GOLT1A: variants seen among roughly 807,000 people sequenced by gnomAD.
GOLT1A encodes the protein golgi transport 1A.
In GOLT1A, 10 loss-of-function variants were observed where a neutral mutation model predicts 16.1. That is an observed-to-expected ratio of 0.62 (90% CI 0.38 to 1.05). The LOEUF is 1.05. GOLT1A is among the 50% of genes least tolerant of loss of function. The pLI is 0.01. For missense variants in GOLT1A, 137 were observed against 165.7 expected, an observed-to-expected ratio of 0.83 and a Z score of 0.95; for synonymous variants, 60 against 67.9, an observed-to-expected ratio of 0.88 and a Z score of 0.57.
intron 1 of GOLT1A, among the ~76,000 whole-genome samples, chr1:204,208,476 G>GTGTGTATATATATATATA (rs1286299770): frequency 1.5e-4 from 6 of 39,948 alleles, no homozygotes; most frequent in African/African-American, 4.7e-4. Flanking sequence ...GTGTGTGTGT[G>GTGTGTATATATATATATA]TATATATATA....
intron 1 of GOLT1A, among the ~76,000 whole-genome samples, chr1:204,212,209 C>T (rs1231407439): frequency 6.6e-6 from 1 of 152,162 alleles, no homozygotes; most frequent in East Asian, 1.9e-4. Flanking sequence ...GCATTCTTGA[C>T]TCCTCTTTCT....
chr1:204,199,780 C>T (rs1389568188), intron 3 of GOLT1A, among the ~76,000 whole-genome samples: 1 of 152,206 alleles, frequency 6.6e-6, no homozygotes, highest in South Asian at 2.1e-4. Context: ...ACACAGCCAC[C>T]CCTGCCTTTG....
chr1:204,213,779 A>C, intron 1 of GOLT1A, 103 bp downstream of exon 1: 1 of 1,338,636 alleles, frequency 7.5e-7, no homozygotes, highest in Non-Finnish European at 1.0e-6. Flanking sequence ...CCCTGGCTCC[A>C]GAGGTCACGC....
chr1:204,201,827 G>T lies in GOLT1A; in HGVS notation c.118-16C>A. On this transcript the variant is annotated splice_polypyrimidine_tract_variant and intron_variant, in intron 2 of 4. Transcript: ENST00000308302. ...GGAACAGCAGCTGTAGGGGAGGGAG[G>T]GGAGCATGAAGCAAACCCACCAGCC... 1.2e-6 allele frequency: 2 copies of T among 1,612,378 alleles called. No individual in the cohort carries two copies. Among genetic ancestry groups the T allele is most frequent in the Non-Finnish European group, 1.7e-6 (2 of 1,179,058 alleles).
chr1:204,208,693 G>A (rs1308588005), intron 1 of GOLT1A, among the ~76,000 whole-genome samples: 2 of 151,536 alleles, frequency 1.3e-5, no homozygotes. Flanking sequence ...AATAGACTTT[G>A]GGGACTCATG....
At chr1:204,200,318 T>TATATATATATATATATATATA (rs1571671883) in intron 3 of GOLT1A, among the ~76,000 whole-genome samples, 1 of 118,384 alleles carries the variant, frequency 8.4e-6, no homozygotes, top group Non-Finnish European at 1.6e-5. Flanking sequence ...TATATATATA[T>TATATATATATATATATATATA]ATGTTTTTGT....
chr1:204,210,604 G>C (rs1659123764), intron 1 of GOLT1A, among the ~76,000 whole-genome samples: 1 of 152,012 alleles, frequency 6.6e-6, no homozygotes, highest in Non-Finnish European at 1.5e-5. Flanking sequence ...TTTAAAATTG[G>C]TTTAAATTTT....
intron 1 of GOLT1A, among the ~76,000 whole-genome samples, chr1:204,208,078 C>T (rs190798689): frequency 1.8e-4 from 27 of 152,162 alleles, no homozygotes; most frequent in African/African-American, 6.0e-4. Flanking sequence ...ACTAGAATAG[C>T]CACTATGGAA....
chr1:204,212,706 A>T (rs918179718), intron 1 of GOLT1A, among the ~76,000 whole-genome samples: 1 of 151,478 alleles, frequency 6.6e-6, no homozygotes, highest in Non-Finnish European at 1.5e-5. Context: ...TCTATTCTCA[A>T]CCCAGCACCC....
chr1:204,210,962 C>CGCCCACCCCACCACTTAACGCAGAA (rs1006328508), intron 1 of GOLT1A, among the ~76,000 whole-genome samples: 2 of 152,110 alleles, frequency 1.3e-5, no homozygotes, highest in Admixed American at 1.3e-4. Flanking sequence ...ATGTCACCAC[C>CGCCCACCCCACCACTTAACGCAGAA]GCCCACCCCA....
chr1:204,210,803 T>C (rs1177126978), intron 1 of GOLT1A, among the ~76,000 whole-genome samples: 1 of 152,192 alleles, frequency 6.6e-6, no homozygotes, highest in Non-Finnish European at 1.5e-5. Flanking sequence ...TCTTTGGGCT[T>C]TGAAACTCAT....
intron 3 of GOLT1A, 25 bp downstream of exon 3, chr1:204,201,608 C>T (rs1167240980): frequency 6.2e-7 from 1 of 1,612,234 alleles, no homozygotes; most frequent in Admixed American, 1.7e-5. Context: ...TGGGTCTGTC[C>T]AGGGTTATAG....
At position 204,201,751 on chromosome 1, in the gene GOLT1A, A is replaced by G. The variant is rs765103294; in HGVS notation, c.178T>C (p.Phe60Leu). ...GTTCCCTTGAGTTTGTGCCGTTGGA[A>G]GAAGAACCAAAAGGTCTTCCTCAGG... ...IGLRKTFWFF[F>L]QRHKLKGTSF... Residue 60 changes from phenylalanine (F) to leucine (L), a missense_variant, in exon 3 of 5, where the codon TTC becomes CTC. Transcript: ENST00000308302. 1.2e-6 allele frequency: 2 copies of G among 1,614,194 alleles called. No individual in the cohort carries two copies. The highest frequency in any genetic ancestry group is 1.7e-4 in the Middle Eastern group (1 of 6,060).
At chr1:204,212,160 C>G (rs1311668057) in intron 1 of GOLT1A, among the ~76,000 whole-genome samples, 1 of 152,192 alleles carries the variant, frequency 6.6e-6, no homozygotes, top group Non-Finnish European at 1.5e-5. Context: ...CTTCCCCCCA[C>G]TCAACCCTTC....
At chr1:204,200,482 C>A (rs1272757721) in intron 3 of GOLT1A, among the ~76,000 whole-genome samples, 1 of 150,618 alleles carries the variant, frequency 6.6e-6, no homozygotes, top group Non-Finnish European at 1.5e-5. Context: ...TGCCACCAAG[C>A]CTGGCTAATT....
chr1:204,200,299 G>GTGTATA lies in GOLT1A; in HGVS notation c.297-1042_297-1041insTATACA. Among the ~76,000 whole-genome samples, 17 of 82,664 alleles carry GTGTATA rather than the reference G, an allele frequency of 2.1e-4. No homozygotes were observed. The South Asian group carries it at 3.2e-3, about 16-fold the overall frequency. The allele number at this position is 82,664 out of a possible 152,430, so 54.2% of individuals were successfully genotyped here. A position where few individuals can be genotyped will look rare whatever the true frequency, so the allele number is the denominator to read the frequency against. On this transcript the variant is annotated intron_variant, in intron 3 of 4. Coordinates refer to ENST00000308302, the MANE Select transcript of GOLT1A (RefSeq NM_198447.2). ...GACTGTTTGAAAATGACATATATGT[G>GTGTATA]TATATATATATATATATATATGTTT...
intron 1 of GOLT1A, among the ~76,000 whole-genome samples, chr1:204,205,143 C>G (rs779579726): frequency 6.6e-6 from 1 of 152,086 alleles, no homozygotes; most frequent in African/African-American, 2.4e-5. Context: ...TCCTTTGATG[C>G]GGTGAAGTTT....
chr1:204,199,301 G>A (rs984761692), intron 3 of GOLT1A, 43 bp from the exon 4 acceptor site: 13 of 1,515,440 alleles, frequency 8.6e-6, no homozygotes, highest in Non-Finnish European at 1.0e-5. Context: ...GATGGCCCAG[G>A]AAGAGAGGAT....
intron 1 of GOLT1A, among the ~76,000 whole-genome samples, chr1:204,204,620 A>G (rs568359169): frequency 6.6e-6 from 1 of 152,234 alleles, no homozygotes; most frequent in Non-Finnish European, 1.5e-5. Flanking sequence ...ATATGAGCAT[A>G]AGAAAATATC....
Sources: gnomAD v4.1 joint callset for allele counts (sites outside exome capture counted in the v4.1 genomes callset) on GRCh38, gnomAD v4.1.1 for gene constraint, MANE v1.5 for transcripts, NCBI Gene and HGNC (gene_info 2026-07-23, HGNC 2026-07-21) for gene names.